TAS2R1: variants seen among roughly 807,000 people sequenced by gnomAD.
TAS2R1 encodes the protein taste receptor type 2 member 1.
For synonymous variants in TAS2R1, 141 were observed against 134.2 expected, an observed-to-expected ratio of 1.05 and a Z score of -0.35; for missense variants, 370 against 353.4, an observed-to-expected ratio of 1.05 and a Z score of -0.38.
chr5:9,719,968 C>G, the TAS2R1 span, among the ~76,000 whole-genome samples: 1 of 149,154 alleles, frequency 6.7e-6, no homozygotes, highest in Middle Eastern at 3.2e-3. Context: ...CCCCTCTATG[C>G]TATTTTCTTT....
chr5:9,900,956 G>C, the TAS2R1 span, among the ~76,000 whole-genome samples: 2 of 152,166 alleles, frequency 1.3e-5, no homozygotes, highest in Admixed American at 6.6e-5. Context: ...AGTTGATCAG[G>C]AACAGACCCT....
the TAS2R1 span, among the ~76,000 whole-genome samples, chr5:9,754,102 T>C: frequency 1.3e-5 from 2 of 152,154 alleles, no homozygotes; most frequent in African/African-American, 2.4e-5. Flanking sequence ...GCTGGTTCAA[T>C]ATATGCAAAT....
chr5:9,699,903 T>C (rs1579790135), intron 1 of TAS2R1, among the ~76,000 whole-genome samples: 1 of 152,136 alleles, frequency 6.6e-6, no homozygotes, highest in East Asian at 1.9e-4. Context: ...CCCTGGGGCA[T>C]TCTCAGCCCA....
the TAS2R1 span, among the ~76,000 whole-genome samples, chr5:9,760,475 G>C: frequency 1.3e-5 from 2 of 152,182 alleles, no homozygotes; most frequent in Non-Finnish European, 2.9e-5. Flanking sequence ...ATACAACCAA[G>C]TGTAAGAAGA....
rs560212964 is a variant in TAS2R1 at position 9,673,908 on chromosome 5, T to C, written c.-241-14327A>G. The stretch of plus-strand genomic sequence containing the variant: ...TCCCCTAAATGAGAGCAGGAAGAAA[T>C]AGCTGCAGCCCAATCCCTGCACCCA... On this transcript the variant is annotated intron_variant, in intron 1 of 2. Transcript: ENST00000506620. 2.6e-5 allele frequency among the ~76,000 whole-genome samples: 4 copies of C among 152,172 alleles called. No homozygotes were observed. In the South Asian group the frequency reaches 8.3e-4, roughly 32 times the overall value.
At chr5:9,728,429 A>G in the TAS2R1 span, among the ~76,000 whole-genome samples, 16 of 152,360 alleles carry the variant, frequency 1.1e-4, no homozygotes, top group East Asian at 2.7e-3. Flanking sequence ...TTTAGACAAA[A>G]TAGTCTTTTA....
the TAS2R1 span, among the ~76,000 whole-genome samples, chr5:9,798,776 A>G: frequency 5.9e-5 from 9 of 152,216 alleles, no homozygotes; most frequent in Admixed American, 1.3e-4. Context: ...TGACTGTGCC[A>G]ACGTAAGTAA....
intron 1 of TAS2R1, among the ~76,000 whole-genome samples, chr5:9,675,762 T>G (rs1332683315): frequency 3.3e-5 from 5 of 152,136 alleles, no homozygotes; most frequent in African/African-American, 1.2e-4. Context: ...GTGTACAGAC[T>G]CTGAGATTTT....
At chr5:9,776,881 G>T in the TAS2R1 span, among the ~76,000 whole-genome samples, 3 of 152,170 alleles carry the variant, frequency 2.0e-5, no homozygotes, top group Non-Finnish European at 2.9e-5. Flanking sequence ...TGAGTCATAT[G>T]AATTTTCTGC....
At chr5:9,884,766 T>C in the TAS2R1 span, among the ~76,000 whole-genome samples, 5 of 152,232 alleles carry the variant, frequency 3.3e-5, no homozygotes, top group African/African-American at 4.8e-5. Context: ...TAATAACTCT[T>C]ATTTAAATGT....
the TAS2R1 span, among the ~76,000 whole-genome samples, chr5:9,873,970 G>C: frequency 6.7e-6 from 1 of 149,244 alleles, no homozygotes; most frequent in African/African-American, 2.5e-5. Context: ...GAGAGAGAGA[G>C]AGAGAGGAAG....
At chr5:9,887,833 C>T in the TAS2R1 span, among the ~76,000 whole-genome samples, 1 of 152,070 alleles carries the variant, frequency 6.6e-6, no homozygotes, top group South Asian at 2.1e-4. Context: ...CGTAAGAAAG[C>T]GAGGGGTCAA....
At chr5:9,836,452 C>T in the TAS2R1 span, among the ~76,000 whole-genome samples, 2 of 152,012 alleles carry the variant, frequency 1.3e-5, no homozygotes, top group African/African-American at 4.8e-5. Flanking sequence ...AGCAGTATCG[C>T]TGGCCTCTAC....
the TAS2R1 span, among the ~76,000 whole-genome samples, chr5:9,820,477 C>A: frequency 6.6e-6 from 1 of 152,154 alleles, no homozygotes; most frequent in Non-Finnish European, 1.5e-5. Flanking sequence ...TACAGTACAT[C>A]AATTTCATAA....
At chr5:9,671,551 A>G (rs186372852) in intron 1 of TAS2R1, among the ~76,000 whole-genome samples, 119 of 152,324 alleles carry the variant, frequency 7.8e-4, no homozygotes, top group African/African-American at 2.7e-3. Flanking sequence ...AGCCACAAAA[A>G]GAATAAAATA....
At chr5:9,886,405 G>T in the TAS2R1 span, among the ~76,000 whole-genome samples, 3 of 147,726 alleles carry the variant, frequency 2.0e-5, no homozygotes, top group Non-Finnish European at 3.0e-5. Flanking sequence ...TGCAATCGTG[G>T]CTCACTGCAA....
At chr5:9,847,047 G>T in the TAS2R1 span, among the ~76,000 whole-genome samples, 2 of 152,118 alleles carry the variant, frequency 1.3e-5, no homozygotes, top group Non-Finnish European at 2.9e-5. Flanking sequence ...CTACAGCCCA[G>T]CTCTGACAGC....
chr5:9,788,130 T>C, the TAS2R1 span, among the ~76,000 whole-genome samples: 2,141 of 152,290 alleles, frequency 0.014, 37 homozygotes, highest in African/African-American at 0.045. Context: ...ACAGTACAGA[T>C]AAATGGAGAG....
At chr5:9,836,114 AG>A in the TAS2R1 span, among the ~76,000 whole-genome samples, 1 of 152,158 alleles carries the variant, frequency 6.6e-6, no homozygotes, top group African/African-American at 2.4e-5. Flanking sequence ...GCTTTTAAAA[AG>A]GGGAGTTTCC....
Sources: gnomAD v4.1 joint callset for allele counts (sites outside exome capture counted in the v4.1 genomes callset) on GRCh38, gnomAD v4.1.1 for gene constraint, MANE v1.5 for transcripts, NCBI Gene and HGNC (gene_info 2026-07-23, HGNC 2026-07-21) for gene names.